Variants in EPHA3 observed in about 807,000 individuals in gnomAD.
The protein encoded by EPHA3 is EPH receptor A3.
In EPHA3, 42 loss-of-function variants were observed where a neutral mutation model predicts 107.1. The ratio of observed to expected loss-of-function variants is 0.39; its 90% CI spans 0.31 to 0.51. The LOEUF is 0.51. Ranked by LOEUF, EPHA3 falls within the 20% of genes least tolerant of loss-of-function variation. The probability of loss-of-function intolerance (pLI) is 0.78; values close to 1 mark genes in which losing one functional copy is unlikely to be tolerated. For missense variants in EPHA3, 1,183 were observed against 1,211.2 expected, an observed-to-expected ratio of 0.98 and a Z score of 0.35; for synonymous variants, 461 against 424.8, an observed-to-expected ratio of 1.09 and a Z score of -1.05.
chr3:89,433,395 A>C (rs1045892532), intron 13 of EPHA3, among the ~76,000 whole-genome samples: 2 of 152,160 alleles, frequency 1.3e-5, no homozygotes, highest in Non-Finnish European at 2.9e-5. Flanking sequence ...ATAATAAAGA[A>C]CCTAATATGC....
At chr3:89,442,481 G>A (rs963932409) in intron 13 of EPHA3, among the ~76,000 whole-genome samples, 6 of 152,150 alleles carry the variant, frequency 3.9e-5, no homozygotes, top group Non-Finnish European at 8.8e-5. Context: ...GTATTGTCTA[G>A]AGGCATTTTT....
At chr3:89,403,224 G>A (rs1389101109) in intron 7 of EPHA3, among the ~76,000 whole-genome samples, 1 of 152,098 alleles carries the variant, frequency 6.6e-6, no homozygotes, top group East Asian at 1.9e-4. Flanking sequence ...ACAAAGGGAG[G>A]TTAAGGAAGT....
chr3:89,225,959 C>A (rs1260978700), intron 3 of EPHA3, among the ~76,000 whole-genome samples: 1 of 152,052 alleles, frequency 6.6e-6, no homozygotes, highest in Non-Finnish European at 1.5e-5. Context: ...GTTCACAGGA[C>A]TGCAAAGTAC....
At chr3:89,163,426 A>G (rs142807996) in intron 2 of EPHA3, among the ~76,000 whole-genome samples, 1,590 of 151,554 alleles carry the variant, frequency 0.01, 12 homozygotes, top group Non-Finnish European at 0.017. Context: ...TTCCCAGAAC[A>G]TCTCATTTAT....
intron 10 of EPHA3, 28 bp from the exon 11 acceptor site, chr3:89,419,177 A>AT: frequency 6.5e-7 from 1 of 1,538,736 alleles, no homozygotes; most frequent in Non-Finnish European, 8.7e-7. Flanking sequence ...AATTCCTTAC[A>AT]TTTTGTTGCT....
chr3:89,305,474 C>T (rs551881775), intron 3 of EPHA3, among the ~76,000 whole-genome samples: 3 of 152,216 alleles, frequency 2.0e-5, no homozygotes, highest in African/African-American at 4.8e-5. Context: ...GAAGAAGTTA[C>T]ATTGGATTGA....
chr3:89,160,751 C>T (rs1424151608), intron 2 of EPHA3, among the ~76,000 whole-genome samples: 2 of 152,028 alleles, frequency 1.3e-5, no homozygotes, highest in African/African-American at 4.8e-5. Flanking sequence ...GCTTTCCAGA[C>T]TTTTAATAGG....
intron 5 of EPHA3, among the ~76,000 whole-genome samples, chr3:89,377,707 A>G (rs1708428141): frequency 6.6e-6 from 1 of 152,172 alleles, no homozygotes; most frequent in Admixed American, 6.5e-5. Flanking sequence ...GCATGTTTCT[A>G]AAGCTAAACC....
chr3:89,217,040 T>C (rs1704236701), intron 3 of EPHA3, among the ~76,000 whole-genome samples: 1 of 152,108 alleles, frequency 6.6e-6, no homozygotes, highest in African/African-American at 2.4e-5. Context: ...ACTTTCCACC[T>C]TTTTTTCCTG....
At chr3:89,304,258 T>A (rs530037323) in intron 3 of EPHA3, among the ~76,000 whole-genome samples, 18 of 152,226 alleles carry the variant, frequency 1.2e-4, no homozygotes, top group African/African-American at 3.8e-4. Flanking sequence ...TATTTCAGCC[T>A]CGATTTCAGC....
intron 2 of EPHA3, among the ~76,000 whole-genome samples, chr3:89,191,816 C>T (rs1243334134): frequency 6.6e-6 from 1 of 151,976 alleles, no homozygotes; most frequent in African/African-American, 2.4e-5. Context: ...ATCATCAGAC[C>T]GGTCCAGAAA....
chr3:89,222,784 A>C (rs1012161916), intron 3 of EPHA3, among the ~76,000 whole-genome samples: 1 of 152,128 alleles, frequency 6.6e-6, no homozygotes, highest in Non-Finnish European at 1.5e-5. Flanking sequence ...TACGTTAATA[A>C]ATATAATATG....
chr3:89,196,872 T>C (rs1705848060), intron 2 of EPHA3, among the ~76,000 whole-genome samples: 1 of 152,178 alleles, frequency 6.6e-6, no homozygotes, highest in Admixed American at 6.5e-5. Context: ...ATCCCGTGGC[T>C]CTACCACCCA....
At chr3:89,429,190 CAT>C (rs901105953) in intron 12 of EPHA3, 23 bp downstream of exon 12, 2 of 1,564,950 alleles carry the variant, frequency 1.3e-6, no homozygotes, top group African/African-American at 2.7e-5. Flanking sequence ...CACACACATA[CAT>C]ATATATGAAT....
At chr3:89,205,104 T>A (rs1479982614) in intron 2 of EPHA3, among the ~76,000 whole-genome samples, 1 of 152,208 alleles carries the variant, frequency 6.6e-6, no homozygotes, top group Non-Finnish European at 1.5e-5. Context: ...CATGACTATC[T>A]TGCAATCTTA....
intron 2 of EPHA3, among the ~76,000 whole-genome samples, chr3:89,160,266 T>C (rs1460170269): frequency 6.6e-6 from 1 of 152,042 alleles, no homozygotes; most frequent in Non-Finnish European, 1.5e-5. Flanking sequence ...AATAAATACA[T>C]AAACTGTATG....
At chr3:89,266,233 C>A (rs1426628399) in intron 3 of EPHA3, among the ~76,000 whole-genome samples, 1 of 152,072 alleles carries the variant, frequency 6.6e-6, no homozygotes. Context: ...GAAACTGAAA[C>A]CTACAGTTCA....
At chr3:89,391,421 C>T (rs954155457) in intron 5 of EPHA3, among the ~76,000 whole-genome samples, 1,249 of 115,756 alleles carry the variant, frequency 0.011, 30 homozygotes, top group African/African-American at 0.04. Context: ...TCTTTCTTTT[C>T]TTTTTTTTTT....
intron 15 of EPHA3, among the ~76,000 whole-genome samples, chr3:89,450,878 C>T (rs923389703): frequency 6.6e-6 from 1 of 152,142 alleles, no homozygotes; most frequent in African/African-American, 2.4e-5. Flanking sequence ...TGCACTCCAG[C>T]CTGGTCAACA....
Sources: allele counts gnomAD v4.1 joint callset (sites outside exome capture counted in the v4.1 genomes callset), GRCh38; gene constraint gnomAD v4.1.1; transcripts MANE v1.5; gene names NCBI Gene and HGNC (gene_info 2026-07-23, HGNC 2026-07-21).